The following SGCD variants were observed in gnomAD, a reference collection of about 807,000 sequenced individuals.
SGCD encodes delta-sarcoglycan.
SGCD carries 18 observed loss-of-function variants against 36.6 expected under a neutral mutation model. The ratio of observed to expected loss-of-function variants is 0.49; its 90% CI spans 0.34 to 0.73. The LOEUF (loss-of-function observed/expected upper bound fraction) is 0.73. SGCD is among the 30% of genes least tolerant of loss of function. SGCD has a pLI of 0.01. For synonymous variants in SGCD, 133 were observed against 130.6 expected, an observed-to-expected ratio of 1.02 and a Z score of -0.12; for missense variants, 387 against 346.7, an observed-to-expected ratio of 1.12 and a Z score of -0.92.
intron 3 of SGCD, among the ~76,000 whole-genome samples, chr5:156,167,583 C>A (rs1763243332): frequency 6.6e-6 from 1 of 152,194 alleles, no homozygotes; most frequent in Admixed American, 6.5e-5. Context: ...GCCTTGGTGC[C>A]ACCTCCCTGG....
At chr5:155,936,996 G>C (rs904551669) in intron 1 of SGCD, among the ~76,000 whole-genome samples, 8 of 152,278 alleles carry the variant, frequency 5.3e-5, no homozygotes, top group South Asian at 4.1e-4. Flanking sequence ...AGATTAGAGC[G>C]AGTGCCAGGG....
At chr5:156,158,808 T>A (rs1763022331) in intron 3 of SGCD, among the ~76,000 whole-genome samples, 1 of 151,484 alleles carries the variant, frequency 6.6e-6, no homozygotes, top group Admixed American at 6.6e-5. Flanking sequence ...AGCTGGAGCA[T>A]TCAAAAAAAT....
chr5:156,228,746 A>T (rs2127649648), intron 3 of SGCD, among the ~76,000 whole-genome samples: 1 of 147,016 alleles, frequency 6.8e-6, no homozygotes, highest in African/African-American at 2.7e-5. Flanking sequence ...TGTTTCATAG[A>T]TTCGGTGAGA....
chr5:155,868,986 G>A (rs1324113909), upstream of SGCD, among the ~76,000 whole-genome samples: 6 of 152,170 alleles, frequency 3.9e-5, no homozygotes, highest in Non-Finnish European at 8.8e-5. Flanking sequence ...GGGAATTCTA[G>A]GCTAGTGGTC....
At chr5:156,348,597 C>T (rs1047468001) in intron 3 of SGCD, among the ~76,000 whole-genome samples, 2 of 151,982 alleles carry the variant, frequency 1.3e-5, no homozygotes, top group African/African-American at 2.4e-5. Flanking sequence ...TAAAAGAAAT[C>T]GTGGAAGACA....
chr5:156,749,167 TC>T (rs1200243429), intron 7 of SGCD, among the ~76,000 whole-genome samples: 2 of 152,120 alleles, frequency 1.3e-5, no homozygotes, highest in Non-Finnish European at 2.9e-5. Context: ...ATACTAGAAA[TC>T]TATACTAATA....
rs535353346 is a variant in SGCD, at chr5:156,579,465, A to T, written c.295-9766A>T. Among the ~76,000 whole-genome samples, 236 of 152,170 alleles carry T rather than the reference A, an allele frequency of 1.6e-3. 1 individual carries two copies. The highest frequency in any genetic ancestry group is 0.01 in the Middle Eastern group (3 of 294). Reference sequence around the variant, plus strand: ...GAGCTGAGTTCAAGTCCTGGATATCATTGTTAACCTTCTGTCTCGTTGATC... The same window carrying T: ...GAGCTGAGTTCAAGTCCTGGATATCTTTGTTAACCTTCTGTCTCGTTGATC... On this transcript the variant is annotated intron_variant, in intron 4 of 8. Coordinates refer to ENST00000337851, the MANE Select transcript of SGCD (RefSeq NM_000337.6).
At chr5:156,713,434 A>G (rs1456392013) in intron 7 of SGCD, among the ~76,000 whole-genome samples, 3 of 150,686 alleles carry the variant, frequency 2.0e-5, no homozygotes, top group East Asian at 1.9e-4. Flanking sequence ...TAGGAGGGAG[A>G]GAGGAGGAAA....
chr5:156,087,998 A>G (rs1013003541), intron 1 of SGCD, among the ~76,000 whole-genome samples: 1 of 152,204 alleles, frequency 6.6e-6, no homozygotes, highest in Non-Finnish European at 1.5e-5. Context: ...ACTGAATTCC[A>G]TTAGAAGCAT....
intron 2 of SGCD, among the ~76,000 whole-genome samples, chr5:156,335,127 C>G (rs1188251394): frequency 1.3e-5 from 2 of 152,158 alleles, no homozygotes; most frequent in African/African-American, 4.8e-5. Flanking sequence ...TGTGTATCTG[C>G]TAATTCCTGG....
intron 3 of SGCD, among the ~76,000 whole-genome samples, chr5:156,503,152 T>C (rs546552219): frequency 1.3e-5 from 2 of 152,254 alleles, no homozygotes; most frequent in African/African-American, 4.8e-5. Flanking sequence ...TTTATATTTC[T>C]TGAACTGTGG....
At chr5:155,882,372 C>G (rs138890758) in intron 1 of SGCD, among the ~76,000 whole-genome samples, 1 of 152,156 alleles carries the variant, frequency 6.6e-6, no homozygotes, top group Non-Finnish European at 1.5e-5. Flanking sequence ...AGCCACTGTT[C>G]CTGGCCACAA....
At chr5:156,072,554 G>T (rs977497965) in intron 1 of SGCD, among the ~76,000 whole-genome samples, 52 of 152,020 alleles carry the variant, frequency 3.4e-4, no homozygotes, top group African/African-American at 1.2e-3. Flanking sequence ...CTCTCTGGCT[G>T]CCCTTAACAT....
Position 156,506,353 on chromosome 5 carries a change from TCACACACACA to T in SGCD, c.193-2243_193-2234del, listed in dbSNP as rs886762481. 3.3e-5 allele frequency among the ~76,000 whole-genome samples: 5 copies of T among 150,644 alleles called. No homozygotes were observed. The South Asian group carries it at 8.4e-4, about 25-fold the overall frequency. On this transcript the variant is annotated intron_variant, in intron 3 of 8. Coordinates refer to ENST00000337851, the MANE Select transcript of SGCD (RefSeq NM_000337.6). ...CATGTTATTTTTACTAAACACACAC[TCACACACACA>T]CACAGACACACACACACACACCCCT...
At chr5:156,189,591 C>T (rs183117670) in intron 3 of SGCD, among the ~76,000 whole-genome samples, 1 of 152,188 alleles carries the variant, frequency 6.6e-6, no homozygotes, top group Admixed American at 6.5e-5. Flanking sequence ...CGGCCAAAGG[C>T]TTGTCCATCA....
intron 7 of SGCD, among the ~76,000 whole-genome samples, chr5:156,701,451 T>C (rs1184487297): frequency 6.6e-6 from 1 of 152,222 alleles, no homozygotes; most frequent in South Asian, 2.1e-4. Flanking sequence ...GATTATTGTA[T>C]TGTAAATCAT....
intron 4 of SGCD, among the ~76,000 whole-genome samples, chr5:156,537,780 T>C (rs1758181881): frequency 6.6e-6 from 1 of 151,464 alleles, no homozygotes; most frequent in Admixed American, 6.6e-5. Flanking sequence ...GTATACAAGG[T>C]CTTGACACAT....
At chr5:155,912,554 G>C (rs755032216) in intron 1 of SGCD, among the ~76,000 whole-genome samples, 12 of 152,144 alleles carry the variant, frequency 7.9e-5, no homozygotes, top group Non-Finnish European at 1.2e-4. Flanking sequence ...CACACAGTAA[G>C]TCATTTTGTT....
intron 6 of SGCD, 122 bp downstream of exon 6, chr5:156,595,173 C>T (rs1364251765): frequency 1.7e-6 from 2 of 1,170,122 alleles, no homozygotes; most frequent in African/African-American, 1.6e-5. Context: ...TCCTAACTCC[C>T]AAGATAATGG....
Sources: gnomAD v4.1 joint callset for allele counts (sites outside exome capture counted in the v4.1 genomes callset) on GRCh38, gnomAD v4.1.1 for gene constraint, MANE v1.5 for transcripts, NCBI Gene and HGNC (gene_info 2026-07-23, HGNC 2026-07-21) for gene names.